The following DTWD2 variants were observed in gnomAD, a reference collection of about 807,000 sequenced individuals.
The protein encoded by DTWD2 is tRNA-uridine aminocarboxypropyltransferase 2.
Under a neutral mutation model 31.8 loss-of-function variants are expected in DTWD2, and 39 were observed. The observed-to-expected ratio is 1.22, with a 90% confidence interval of 0.95 to 1.60. DTWD2 has a LOEUF of 1.60. DTWD2 is among the 40% of genes most tolerant of loss of function. The probability of loss-of-function intolerance (pLI) is 0.00; values close to 1 mark genes in which losing one functional copy is unlikely to be tolerated. For missense variants in DTWD2, 515 were observed against 381.5 expected, an observed-to-expected ratio of 1.35 and a Z score of -2.92; for synonymous variants, 180 against 142.8, an observed-to-expected ratio of 1.26 and a Z score of -1.86.
At chr5:118,969,280 T>C (rs1314340849) in intron 1 of DTWD2, among the ~76,000 whole-genome samples, 1 of 152,082 alleles carries the variant, frequency 6.6e-6, no homozygotes, top group Non-Finnish European at 1.5e-5. Context: ...AGGCAGTCTG[T>C]ACAAGGAGGA....
At chr5:118,916,639 T>C (rs2149573284) in intron 4 of DTWD2, among the ~76,000 whole-genome samples, 1 of 144,070 alleles carries the variant, frequency 6.9e-6, no homozygotes, top group Admixed American at 7.2e-5. Context: ...CACTGCAGCC[T>C]GGGCAACAAA....
intron 1 of DTWD2, among the ~76,000 whole-genome samples, chr5:118,970,007 A>G (rs1754946999): frequency 6.6e-6 from 1 of 152,226 alleles, no homozygotes; most frequent in South Asian, 2.1e-4. Context: ...ATGGAGCTGA[A>G]AAACACAATA....
rs771830075 is a variant in DTWD2, at chr5:118,939,285, GT to G, written c.314del (p.Asn105ThrfsTer10). The G allele has an allele frequency of 1.3e-6, 2 of 1,566,502 alleles. No homozygotes were observed. Among genetic ancestry groups the G allele is most frequent in the Non-Finnish European group, 8.6e-7 (1 of 1,157,612 alleles). On this transcript the variant is annotated frameshift_variant, in exon 3 of 6. Transcript: ENST00000510708. LOFTEE classifies it high-confidence loss of function. ...GTAGAGGAACTGTACGCAACACTTT[GT>G]TTTCCTTTAATTAAAAAATGAATTG... ...LYIIQHPAEE[N>X]KVLRTVPLLA...
intron 1 of DTWD2, among the ~76,000 whole-genome samples, chr5:118,967,574 A>C (rs1184524571): frequency 6.6e-6 from 1 of 152,204 alleles, no homozygotes; most frequent in Non-Finnish European, 1.5e-5. Context: ...ACCAACCTGA[A>C]AGAGTTCTCA....
intron 4 of DTWD2, among the ~76,000 whole-genome samples, chr5:118,913,354 C>T (rs751822719): frequency 6.7e-6 from 1 of 149,682 alleles, no homozygotes; most frequent in African/African-American, 2.5e-5. Flanking sequence ...GTATACTCTG[C>T]AAATTTTGAT....
intron 4 of DTWD2, among the ~76,000 whole-genome samples, chr5:118,915,446 C>T (rs1028261246): frequency 6.0e-5 from 9 of 150,930 alleles, no homozygotes; most frequent in African/African-American, 2.2e-4. Flanking sequence ...GCAATCTCGG[C>T]TCACTGCAAG....
At position 118,913,390 on chromosome 5, in the gene DTWD2, TATATATATAG is replaced by T. The variant is rs200926191; in HGVS notation, c.597+15137_597+15146del. Reference sequence around the variant, plus strand: ...CAAGCTTCCATAATCACATGAACCATATATATATAGATATATATAGATATATATAGATATA... The same window carrying T: ...CAAGCTTCCATAATCACATGAACCATATATATATAGATATATATAGATATA... On this transcript the variant is annotated intron_variant, in intron 4 of 5. Coordinates refer to ENST00000510708, the MANE Select transcript of DTWD2 (RefSeq NM_173666.4). 9.6e-3 allele frequency among the ~76,000 whole-genome samples: 1,395 copies of T among 145,696 alleles called. 15 individuals carry two copies. Among genetic ancestry groups the T allele is most frequent in the South Asian group, 0.039 (182 of 4,666 alleles).
chr5:118,868,794 G>A (rs149499430), intron 4 of DTWD2, among the ~76,000 whole-genome samples: 1,627 of 145,452 alleles, frequency 0.011, 15 homozygotes, highest in South Asian at 0.015. Flanking sequence ...AACCGTGATT[G>A]CCACTGCATT....
chr5:118,965,836 A>G (rs59272933), intron 1 of DTWD2, among the ~76,000 whole-genome samples: 20,950 of 151,884 alleles, frequency 0.14, 1,851 homozygotes, highest in African/African-American at 0.25. Context: ...GAAAACCAGA[A>G]ACCTTTGTTC....
At chr5:118,944,426 A>G (rs1272208120) in intron 2 of DTWD2, 133 bp downstream of exon 2, 9 of 891,520 alleles carry the variant, frequency 1.0e-5, no homozygotes, top group Non-Finnish European at 1.5e-5. Flanking sequence ...TATTTTTTCC[A>G]AAAGAGAAAG....
intron 1 of DTWD2, among the ~76,000 whole-genome samples, chr5:118,964,100 C>T (rs1355167242): frequency 6.6e-6 from 1 of 151,624 alleles, no homozygotes; most frequent in Admixed American, 6.6e-5. Context: ...ATTCCAGCTA[C>T]TTGGGAGGCT....
At chr5:118,886,030 G>A (rs1460954524) in intron 4 of DTWD2, among the ~76,000 whole-genome samples, 5 of 152,112 alleles carry the variant, frequency 3.3e-5, no homozygotes, top group Non-Finnish European at 5.9e-5. Flanking sequence ...AAAGAAAGGG[G>A]ACCTTGGGGG....
In DTWD2 at chr5:118,855,239, GTAAAACT is replaced by G. The variant is rs1298330570; in HGVS notation, c.598-7028_598-7022del. On this transcript the variant is annotated intron_variant, in intron 4 of 5. Transcript: ENST00000510708. ...AAATATGTAATTACAAGAAGTTGCG[GTAAAACT>G]TTTTACCGCAACTTCTTGTAATTAC... Among the ~76,000 whole-genome samples, 19 of 142,388 alleles carry G rather than the reference GTAAAACT, an allele frequency of 1.3e-4. No individual in the cohort carries two copies. In the South Asian group the frequency reaches 3.2e-3, roughly 24 times the overall value. 93.4% of individuals were successfully genotyped at this position (142,388 alleles called of 152,430 possible).
At chr5:118,980,040 C>A (rs1355594394) in intron 1 of DTWD2, among the ~76,000 whole-genome samples, 3 of 152,198 alleles carry the variant, frequency 2.0e-5, no homozygotes, top group African/African-American at 7.2e-5. Flanking sequence ...ATGTTCATTT[C>A]TTCATTTTCG....
chr5:118,958,946 C>T (rs1290162917), intron 1 of DTWD2, among the ~76,000 whole-genome samples: 1 of 152,076 alleles, frequency 6.6e-6, no homozygotes, highest in African/African-American at 2.4e-5. Context: ...AAGGAACTTA[C>T]CTCAAAATAA....
Position 118,944,647 on chromosome 5 carries a change from C to A in DTWD2, c.221G>T (p.Arg74Leu). ...TGGACACAAACACACTTTCTGAGGC[C>A]GGCTAAAGGGTAAAAAGAAAAATAA... ...ERRPECTRCSRPQKVCLCPFL... is the reference protein window; with the variant it reads ...ERRPECTRCSLPQKVCLCPFL... The change falls in exon 2 of 6, where the codon CGG (arginine) becomes CTG (leucine). Residue 74 changes from arginine to leucine, a missense_variant and splice_region_variant. Arg to Leu is a moderately radical substitution (Grantham distance 102). Transcript: ENST00000510708. The A allele has an allele frequency of 6.2e-7, 1 of 1,610,446 alleles. No homozygotes were observed. Among genetic ancestry groups the A allele is most frequent in the Non-Finnish European group, 8.5e-7 (1 of 1,178,626 alleles).
At chr5:118,916,690 A>T (rs369320680) in intron 4 of DTWD2, among the ~76,000 whole-genome samples, 1 of 152,054 alleles carries the variant, frequency 6.6e-6, no homozygotes, top group South Asian at 2.1e-4. Context: ...AAGACATTAA[A>T]AGAAAGTAAA....
rs1751675321 is a variant in DTWD2, at chr5:118,840,092, A to G, written c.*825T>C. 1 of 152,238 alleles carries G rather than the reference A, an allele frequency of 6.6e-6. No individual in the cohort carries two copies. Among genetic ancestry groups the G allele is most frequent in the South Asian group, 2.1e-4 (1 of 4,832 alleles). 9.4% of individuals were successfully genotyped at this position (152,238 alleles called of 1,614,324 possible). ...GCAAATATTTTCCCACAGAGCAGGA[A>G]GAATTTTTTCTCTCAAATGGAAAGT... is the stretch of plus-strand genomic sequence containing the variant. On this transcript the variant is annotated 3_prime_UTR_variant, in exon 6 of 6. Transcript: ENST00000510708.
intron 4 of DTWD2, among the ~76,000 whole-genome samples, chr5:118,881,249 G>C (rs1259344769): frequency 6.6e-6 from 1 of 152,072 alleles, no homozygotes; most frequent in African/African-American, 2.4e-5. Context: ...ACAAGAATTT[G>C]ATTCAACTGA....
Sources: allele counts gnomAD v4.1 joint callset (sites outside exome capture counted in the v4.1 genomes callset), GRCh38; gene constraint gnomAD v4.1.1; transcripts MANE v1.5; gene names NCBI Gene and HGNC (gene_info 2026-07-23, HGNC 2026-07-21).